The following CDH1 variants were observed in gnomAD, a reference collection of about 807,000 sequenced individuals.
CDH1 encodes cadherin 1.
CDH1 carries 35 observed loss-of-function variants against 84.5 expected under a neutral mutation model. That is an observed-to-expected ratio of 0.41 (90% CI 0.32 to 0.55). The LOEUF (loss-of-function observed/expected upper bound fraction) is 0.55, where lower values mean the gene tolerates loss of function less well. Among genes scored for constraint, CDH1 ranks in the 20% least tolerant of loss-of-function variants. The probability of loss-of-function intolerance (pLI) is 0.19; values close to 1 mark genes in which losing one functional copy is unlikely to be tolerated. For missense variants in CDH1, 994 were observed against 1,126.6 expected (o/e 0.88, Z 1.68); for synonymous variants, 417 against 439.0 (o/e 0.95, Z 0.63).
In CDH1 at chr16:68,812,205, C is replaced by G. The variant is rs549579183; in HGVS notation, c.1079C>G (p.Thr360Arg). 3 of 1,613,824 alleles carry G rather than the reference C, an allele frequency of 1.9e-6. No individual in the cohort carries two copies. The highest frequency in any genetic ancestry group is 1.1e-5 in the South Asian group (1 of 91,084). The stretch of plus-strand genomic sequence containing the variant: ...GGTGAGGGGTTAAGCACAACAGCAA[C>G]AGCTGTGATCACAGTCACTGACACC... ...LQGEGLSTTATAVITVTDTND... is the reference protein window; with the variant it reads ...LQGEGLSTTARAVITVTDTND... Residue 360 changes from threonine to arginine, a missense_variant, in exon 8 of 16, where the codon ACA becomes AGA. Coordinates refer to ENST00000261769, the MANE Select transcript of CDH1 (RefSeq NM_004360.5).
In CDH1 at chr16:68,737,354, T is replaced by TCCAGC. The variant is rs1484072944; in HGVS notation, c.-59_-55dup. 7.0e-7 allele frequency: 1 copy of TCCAGC among 1,426,458 alleles called. No homozygotes were observed. Among genetic ancestry groups the TCCAGC allele is most frequent in the South Asian group, 1.3e-5 (1 of 79,508 alleles). 88.4% of individuals were successfully genotyped at this position (1,426,458 alleles called of 1,614,324 possible). A position where few individuals can be genotyped will look rare whatever the true frequency, so the allele number is the denominator to read the frequency against. ...GAAGTCAGTTCAGACTCCAGCCCGC[T>TCCAGC]CCAGCCCGGCCCGACCCGACCGCAC... On this transcript the variant is annotated 5_prime_UTR_variant, in exon 1 of 16. Transcript: ENST00000261769.
intron 2 of CDH1, among the ~76,000 whole-genome samples, chr16:68,757,004 A>G (rs1963033359): frequency 6.6e-6 from 1 of 152,210 alleles, no homozygotes; most frequent in African/African-American, 2.4e-5. Flanking sequence ...CGCTCTCTCA[A>G]AAACAAAAAA....
chr16:68,741,824 C>A (rs934674573), intron 2 of CDH1, among the ~76,000 whole-genome samples: 4 of 152,196 alleles, frequency 2.6e-5, no homozygotes, highest in Admixed American at 2.6e-4. Flanking sequence ...GGATTGCAGG[C>A]ACATGCCACC....
At chr16:68,794,588 T>G (rs1054453047) in intron 2 of CDH1, among the ~76,000 whole-genome samples, 5 of 150,788 alleles carry the variant, frequency 3.3e-5, no homozygotes, top group African/African-American at 4.9e-5. Flanking sequence ...GGTACAATCA[T>G]AGCACACTGC....
At chr16:68,759,288 A>T (rs1013500981) in intron 2 of CDH1, among the ~76,000 whole-genome samples, 2 of 152,024 alleles carry the variant, frequency 1.3e-5, no homozygotes, top group Admixed American at 1.3e-4. Flanking sequence ...GCTTGAGCCC[A>T]AGAGTTCAAG....
intron 3 of CDH1, among the ~76,000 whole-genome samples, chr16:68,806,671 A>G (rs1055583266): frequency 6.6e-6 from 1 of 152,190 alleles, no homozygotes; most frequent in Admixed American, 6.5e-5. Flanking sequence ...AGGTTCTAAT[A>G]TTATCCCCAT....
chr16:68,822,310 C>T (rs1961177281), intron 12 of CDH1, 85 bp downstream of exon 12: 2 of 920,032 alleles, frequency 2.2e-6, no homozygotes, highest in Middle Eastern at 2.9e-4. Context: ...AATTTCCCTT[C>T]TCAACTTCTA....
In CDH1 at chr16:68,833,229, C is replaced by T. The variant is rs369336391; in HGVS notation, c.2440-61C>T. On this transcript the variant is annotated intron_variant, in intron 15 of 15. Coordinates refer to ENST00000261769, the MANE Select transcript of CDH1 (RefSeq NM_004360.5). Reference sequence around the variant, plus strand: ...ACCTTACATATTGCTAGACTTCTTGCCCCAGATGACAGGTGTGCCCTTCCT... The same window carrying T: ...ACCTTACATATTGCTAGACTTCTTGTCCCAGATGACAGGTGTGCCCTTCCT... 65 of 1,440,764 alleles carry T rather than the reference C, an allele frequency of 4.5e-5. 1 individual carries two copies. In the East Asian group the frequency reaches 4.8e-4, roughly 11 times the overall value. The allele number at this position is 1,440,764 out of a possible 1,614,324, so 89.2% of individuals were successfully genotyped here.
chr16:68,777,961 A>ACC (rs1228075920), intron 2 of CDH1, among the ~76,000 whole-genome samples: 1 of 152,024 alleles, frequency 6.6e-6, no homozygotes, highest in Non-Finnish European at 1.5e-5. Context: ...CAAACTCCTG[A>ACC]CCTCAGGTGA....
chr16:68,752,667 C>T (rs1352523757), intron 2 of CDH1, among the ~76,000 whole-genome samples: 1 of 151,978 alleles, frequency 6.6e-6, no homozygotes, highest in Non-Finnish European at 1.5e-5. Flanking sequence ...GGGCGTGTGC[C>T]TCTGGTTGGC....
chr16:68,828,108 G>C (rs1199214776), intron 13 of CDH1, 66 bp from the exon 14 acceptor site: 1 of 1,592,830 alleles, frequency 6.3e-7, no homozygotes, highest in Non-Finnish European at 8.6e-7. Context: ...CTCTGTGATA[G>C]CTGCTGCTTC....
intron 10 of CDH1, among the ~76,000 whole-genome samples, chr16:68,816,027 GTTTT>G (rs912575949): frequency 6.6e-6 from 1 of 152,042 alleles, no homozygotes; most frequent in South Asian, 2.1e-4. Flanking sequence ...ATACTATTGT[GTTTT>G]TTTGAGTTTG....
Position 68,810,297 on chromosome 16 carries a change from C to T in CDH1, c.788C>T (p.Thr263Ile), listed in dbSNP as rs1555515456. 1.2e-6 allele frequency: 2 copies of T among 1,614,064 alleles called. No homozygotes were observed. Among genetic ancestry groups the T allele is most frequent in the Non-Finnish European group, 1.7e-6 (2 of 1,179,920 alleles). ...TDQNDNKPEFTQEVFKGSVME... is the reference protein window; with the variant it reads ...TDQNDNKPEFIQEVFKGSVME... ...CAGAATGACAACAAGCCCGAATTCACCCAGGAGGTCTTTAAGGGGTCTGTC... is the reference window on the plus strand; with the variant it reads ...CAGAATGACAACAAGCCCGAATTCATCCAGGAGGTCTTTAAGGGGTCTGTC... Residue 263 changes from threonine (T) to isoleucine (I), a missense_variant, in exon 6 of 16, where the codon ACC (threonine) becomes ATC (isoleucine). Transcript: ENST00000261769.
chr16:68,777,556 T>G (rs1959765644), intron 2 of CDH1, among the ~76,000 whole-genome samples: 2 of 147,016 alleles, frequency 1.4e-5, no homozygotes, highest in Non-Finnish European at 3.0e-5. Context: ...TTTTTTTTTT[T>G]TGAGAAGGGG....
intron 2 of CDH1, among the ~76,000 whole-genome samples, chr16:68,788,690 G>A (rs924871051): frequency 1.3e-5 from 2 of 152,098 alleles, no homozygotes; most frequent in African/African-American, 4.8e-5. Context: ...TTTTAAATGG[G>A]TAAATGTGAA....
At position 68,808,581 on chromosome 16, in the gene CDH1, TTC is replaced by T. The variant is rs779748364; in HGVS notation, c.531+18_531+19del. 2 of 1,613,952 alleles carry T rather than the reference TTC, an allele frequency of 1.2e-6. No individual in the cohort carries two copies. Among genetic ancestry groups the T allele is most frequent in the East Asian group, 4.5e-5 (2 of 44,892 alleles). On this transcript the variant is annotated intron_variant, in intron 4 of 15. Transcript: ENST00000261769. Reference sequence around the variant, plus strand: ...AACCTGGTTCAGGTAGAGAAAGAAGTTCTCTGTTTCTCTGGGAGGGATTTGGC... The same window carrying T: ...AACCTGGTTCAGGTAGAGAAAGAAGTTCTGTTTCTCTGGGAGGGATTTGGC...
chr16:68,773,121 G>A (rs1289483006), intron 2 of CDH1, among the ~76,000 whole-genome samples: 2 of 152,130 alleles, frequency 1.3e-5, no homozygotes, highest in Non-Finnish European at 2.9e-5. Context: ...GTAACACCAG[G>A]TGTGGATGGG....
In CDH1 at chr16:68,833,959, C is replaced by A; in HGVS notation, c.*460C>A. 3.1e-6 allele frequency: 1 copy of A among 326,176 alleles called. No individual in the cohort carries two copies. The highest frequency in any genetic ancestry group is 5.7e-6 in the Non-Finnish European group (1 of 174,710). The allele number at this position is 326,176 out of a possible 1,614,324, so 20.2% of individuals were successfully genotyped here. ...ATTACTACACTGGTGTGTCCCTCTG[C>A]CTTTTTTTTTTTTTTAAGACAGGGT... On this transcript the variant is annotated 3_prime_UTR_variant, in exon 16 of 16. Coordinates refer to ENST00000261769, the MANE Select transcript of CDH1 (RefSeq NM_004360.5).
intron 3 of CDH1, among the ~76,000 whole-genome samples, chr16:68,804,760 G>A (rs965130328): frequency 6.7e-6 from 1 of 149,960 alleles, no homozygotes; most frequent in South Asian, 2.1e-4. Context: ...GTCTTACCTC[G>A]CTTTCATTAT....
Sources: allele counts gnomAD v4.1 joint callset (sites outside exome capture counted in the v4.1 genomes callset), GRCh38; gene constraint gnomAD v4.1.1; transcripts MANE v1.5; gene names NCBI Gene and HGNC (gene_info 2026-07-23, HGNC 2026-07-21).